Variants in GIGYF2 observed in about 807,000 individuals in gnomAD.
GIGYF2 encodes the protein GRB10 interacting GYF protein 2, also known as GRB10-interacting GYF protein 2.
GIGYF2 carries 25 observed loss-of-function variants against 208.1 expected under a neutral mutation model. The observed-to-expected ratio is 0.12, with a 90% CI of 0.09 to 0.17. The LOEUF (loss-of-function observed/expected upper bound fraction) is 0.17, where lower values mean the gene tolerates loss of function less well. GIGYF2 is among the 10% of genes least tolerant of loss of function. The pLI is 1.00. For missense variants in GIGYF2, 1,302 were observed against 1,579.4 expected (o/e 0.82, Z 2.98); for synonymous variants, 534 against 543.8 (o/e 0.98, Z 0.25).
chr2:232,794,851 C>G lies in GIGYF2; in HGVS notation c.1386C>G (p.Leu462=). 1 of 1,613,842 alleles carries G rather than the reference C, an allele frequency of 6.2e-7. No homozygotes were observed. The highest frequency in any genetic ancestry group is 1.3e-5 in the African/African-American group (1 of 75,042). The change falls in exon 13 of 29, where the codon CTC becomes CTG. Residue 462 remains leucine, a synonymous_variant. Transcript: ENST00000373563. ...CTGTTCCCAATCCTAGTCCTACTCT[C>G]CGGCCAGTTGAAACACCAGTTGTAG... ...PPPVPNPSPT[L]RPVETPVVGA... is the part of the protein sequence containing the mutation.
chr2:232,831,015 G>T (rs1701411812), intron 21 of GIGYF2, among the ~76,000 whole-genome samples: 2 of 152,146 alleles, frequency 1.3e-5, no homozygotes, highest in South Asian at 2.1e-4. Flanking sequence ...TTTTTCTCAT[G>T]AATAGACTGG....
Position 232,809,767 on chromosome 2 carries a change from C to T in GIGYF2, c.1854C>T (p.Ala618=), listed in dbSNP as rs1214550566. ...ERLTRQQELT[A]LYQMQHLQYQ... ...TGACCAGGCAGCAAGAACTCACAGC[C>T]TTATACCAGATGCAGCACCTGCAGT... Residue 618 remains alanine, a synonymous_variant, in exon 16 of 29, where the codon GCC becomes GCT. Transcript: ENST00000373563. 1 of 1,611,502 alleles carries T rather than the reference C, an allele frequency of 6.2e-7. No homozygotes were observed. The highest frequency in any genetic ancestry group is 1.3e-5 in the African/African-American group (1 of 74,872).
chr2:232,832,805 T>TC, intron 21 of GIGYF2, 52 bp from the exon 22 acceptor site: 2 of 1,341,514 alleles, frequency 1.5e-6, no homozygotes, highest in Non-Finnish European at 1.0e-6. Flanking sequence ...GTCAGATTTT[T>TC]CCCCCCACAA....
chr2:232,838,785 C>T (rs188644682), intron 22 of GIGYF2, among the ~76,000 whole-genome samples: 7 of 152,072 alleles, frequency 4.6e-5, no homozygotes, highest in Non-Finnish European at 1.0e-4. Flanking sequence ...ACCTCCCTCC[C>T]CCAGTCTTTG....
In GIGYF2 at chr2:232,806,779, A is replaced by T. The variant is rs1700574809; in HGVS notation, c.1806+122A>T. 1 of 809,850 alleles carries T rather than the reference A, an allele frequency of 1.2e-6. No homozygotes were observed. Among genetic ancestry groups the T allele is most frequent in the African/African-American group, 1.7e-5 (1 of 59,882 alleles). 50.2% of individuals were successfully genotyped at this position (809,850 alleles called of 1,614,324 possible). On this transcript the variant is annotated intron_variant, in intron 15 of 28. Transcript: ENST00000373563. This position sits in a 1 kb window ranked among gnomAD's most constrained non-coding sequence, Gnocchi z 4.0. ...TTGTAGTTCTTTGAAATTAATGGAA[A>T]TGGTAAGGGAAAGTCTGAATGGAAG...
chr2:232,794,664 C>T lies in GIGYF2; in HGVS notation c.1283-84C>T, dbSNP rs867977020. On this transcript the variant is annotated intron_variant, in intron 12 of 28. Transcript: ENST00000373563. ...CACGTTTTCTGTTTGGCCCATTTAG[C>T]AGGCTGTGCGACTTGATAATGTAGT... is the stretch of plus-strand genomic sequence containing the variant. 1.2e-5 allele frequency: 12 copies of T among 1,040,978 alleles called. No individual in the cohort carries two copies. The Middle Eastern group carries it at 1.4e-3, about 123-fold the overall frequency. The allele number at this position is 1,040,978 out of a possible 1,614,324, so 64.5% of individuals were successfully genotyped here.
chr2:232,781,151 G>A (rs988311760), intron 8 of GIGYF2, among the ~76,000 whole-genome samples: 5 of 152,088 alleles, frequency 3.3e-5, no homozygotes, highest in African/African-American at 1.2e-4. Context: ...TAGAAACGGG[G>A]TTTTGTCATG....
At chr2:232,759,385 C>T (rs1435651330) in intron 6 of GIGYF2, among the ~76,000 whole-genome samples, 8 of 151,484 alleles carry the variant, frequency 5.3e-5, no homozygotes, top group Non-Finnish European at 1.5e-5. Flanking sequence ...CATTTTCTCA[C>T]CTGTGTATTG....
chr2:232,845,473 C>T (rs1171588125), intron 25 of GIGYF2, among the ~76,000 whole-genome samples: 2 of 152,112 alleles, frequency 1.3e-5, no homozygotes, highest in African/African-American at 4.8e-5. Context: ...AACAACTTAC[C>T]TAAGGACACG....
At chr2:232,698,132 A>C (rs550029210) in intron 1 of GIGYF2, 1 of 152,378 alleles carries the variant, frequency 6.6e-6, no homozygotes, top group South Asian at 2.1e-4. Flanking sequence ...TGCGACTGAA[A>C]CATAAATCAA....
chr2:232,709,592 C>T (rs1018135398), intron 2 of GIGYF2, among the ~76,000 whole-genome samples: 1 of 152,048 alleles, frequency 6.6e-6, no homozygotes, highest in African/African-American at 2.4e-5. Flanking sequence ...AGGTGGATCA[C>T]GAGGTCAAGA....
rs1184372518 is a variant in GIGYF2, at chr2:232,806,884, A to G, written c.1806+227A>G. Reference sequence around the variant, plus strand: ...CTCTTCACACCCCAGCTCCTCCCCAACAGGGAAACGGAATCCTTCAGTAGC... The same window carrying G: ...CTCTTCACACCCCAGCTCCTCCCCAGCAGGGAAACGGAATCCTTCAGTAGC... On this transcript the variant is annotated intron_variant, in intron 15 of 28. Transcript: ENST00000373563. This position sits in a 1 kb window ranked among gnomAD's most constrained non-coding sequence, Gnocchi z 4.0. Among the ~76,000 whole-genome samples, 4 of 152,188 alleles carry G rather than the reference A, an allele frequency of 2.6e-5. No individual in the cohort carries two copies. Among genetic ancestry groups the G allele is most frequent in the East Asian group, 3.8e-4 (2 of 5,204 alleles).
chr2:232,796,019 T>C, intron 13 of GIGYF2, 43 bp from the exon 14 acceptor site: 1 of 1,466,230 alleles, frequency 6.8e-7, no homozygotes, highest in Non-Finnish European at 9.6e-7. Context: ...AAGTACTAAT[T>C]TAGGATCATT....
At chr2:232,836,086 T>C (rs1297388450) in intron 22 of GIGYF2, among the ~76,000 whole-genome samples, 1 of 150,732 alleles carries the variant, frequency 6.6e-6, no homozygotes, top group Non-Finnish European at 1.5e-5. Flanking sequence ...ACGCTGCAGC[T>C]GCACATGCTG....
chr2:232,846,402 C>T (rs1559167158), intron 26 of GIGYF2, among the ~76,000 whole-genome samples: 1 of 152,166 alleles, frequency 6.6e-6, no homozygotes. Flanking sequence ...AAAACTTGCT[C>T]ATGGTTAGCT....
chr2:232,803,365 G>A (rs931490381), intron 14 of GIGYF2, among the ~76,000 whole-genome samples: 2 of 152,004 alleles, frequency 1.3e-5, no homozygotes, highest in Non-Finnish European at 2.9e-5. Context: ...TTCTTTTATA[G>A]GTTGTTCTTT....
In GIGYF2 at chr2:232,754,886, TA is replaced by T. The variant is rs1168684161; in HGVS notation, c.268-1324del. 9.3e-3 allele frequency among the ~76,000 whole-genome samples: 1,332 copies of T among 142,690 alleles called. 20 individuals carry two copies. Among genetic ancestry groups the T allele is most frequent in the East Asian group, 0.055 (275 of 4,978 alleles). The allele number at this position is 142,690 out of a possible 152,430, so 93.6% of individuals were successfully genotyped here. A position where few individuals can be genotyped will look rare whatever the true frequency, so the allele number is the denominator to read the frequency against. Reference sequence around the variant, plus strand: ...ATTATATGATTATATACCTATAAAGTAAAAAAAAAAAAATCTTATTTACACT... The same window carrying T: ...ATTATATGATTATATACCTATAAAGTAAAAAAAAAAAATCTTATTTACACT... On this transcript the variant is annotated intron_variant, in intron 5 of 28. Coordinates refer to ENST00000373563, the MANE Select transcript of GIGYF2 (RefSeq NM_001103146.3).
intron 2 of GIGYF2, among the ~76,000 whole-genome samples, chr2:232,723,867 G>GAGGCTTTTGC (rs1281539267): frequency 2.1e-5 from 3 of 145,734 alleles, no homozygotes; most frequent in Non-Finnish European, 4.5e-5. Context: ...TGAGTAGCTG[G>GAGGCTTTTGC]AGGCTTTTGC....
chr2:232,832,134 G>A (rs1701439144), intron 21 of GIGYF2, among the ~76,000 whole-genome samples: 1 of 152,210 alleles, frequency 6.6e-6, no homozygotes, highest in South Asian at 2.1e-4. Context: ...CTAAAGGCTA[G>A]GCAAGTCTCC....
Sources: gnomAD v4.1 joint callset for allele counts (sites outside exome capture counted in the v4.1 genomes callset) on GRCh38, gnomAD v4.1.1 for gene constraint, Gnocchi (gnomAD v3.1) non-coding constraint, MANE v1.5 for transcripts, NCBI Gene and HGNC (gene_info 2026-07-23, HGNC 2026-07-21) for gene names.